Variants in FSTL4 observed in about 807,000 individuals in gnomAD.
FSTL4 encodes follistatin like 4.
Under a neutral mutation model 78.2 loss-of-function variants are expected in FSTL4, and 28 were observed. That is an observed-to-expected ratio of 0.36 (90% CI 0.27 to 0.49). The LOEUF (loss-of-function observed/expected upper bound fraction) is 0.49. Ranked by LOEUF, FSTL4 falls within the 20% of genes least tolerant of loss-of-function variation. The pLI is 0.98. For missense variants in FSTL4, 922 were observed against 1,084.9 expected, an observed-to-expected ratio of 0.85 and a Z score of 2.11; for synonymous variants, 422 against 440.5, an observed-to-expected ratio of 0.96 and a Z score of 0.53.
chr5:133,623,006 G>T, the FSTL4 span, among the ~76,000 whole-genome samples: 1 of 151,866 alleles, frequency 6.6e-6, no homozygotes, highest in African/African-American at 2.4e-5. Context: ...TTAAATAAAA[G>T]TTTAGTAGTT....
intron 4 of FSTL4, among the ~76,000 whole-genome samples, chr5:133,399,488 G>A (rs1408434327): frequency 6.6e-6 from 1 of 152,232 alleles, no homozygotes; most frequent in African/African-American, 2.4e-5. Flanking sequence ...GCTGAGTGGA[G>A]TGGCCCATTA....
intron 3 of FSTL4, among the ~76,000 whole-genome samples, chr5:133,558,887 T>A (rs1382991806): frequency 6.6e-6 from 1 of 152,054 alleles, no homozygotes. Flanking sequence ...GTGAGGCCAA[T>A]CAGGAGAGAG....
the FSTL4 span, among the ~76,000 whole-genome samples, chr5:133,789,973 G>T: frequency 6.6e-6 from 1 of 152,032 alleles, no homozygotes; most frequent in Non-Finnish European, 1.5e-5. Flanking sequence ...ACCCCATAAC[G>T]CTGGGTCTGC....
At chr5:133,788,659 T>C in the FSTL4 span, among the ~76,000 whole-genome samples, 1 of 152,250 alleles carries the variant, frequency 6.6e-6, no homozygotes, top group Non-Finnish European at 1.5e-5. Context: ...CGTCAATCTC[T>C]GGGCACCCAG....
At chr5:133,318,062 G>A (rs1216364795) in intron 4 of FSTL4, among the ~76,000 whole-genome samples, 1 of 152,074 alleles carries the variant, frequency 6.6e-6, no homozygotes, top group Non-Finnish European at 1.5e-5. Context: ...CTTCCAATTT[G>A]GGGTCAATTG....
chr5:133,769,654 G>A, the FSTL4 span, among the ~76,000 whole-genome samples: 2 of 152,198 alleles, frequency 1.3e-5, no homozygotes, highest in Middle Eastern at 3.4e-3. Context: ...ACCTTCATAA[G>A]TAAGTATTTC....
At chr5:133,522,602 C>G (rs945359283) in intron 3 of FSTL4, among the ~76,000 whole-genome samples, 1 of 152,190 alleles carries the variant, frequency 6.6e-6, no homozygotes, top group Non-Finnish European at 1.5e-5. Flanking sequence ...GCAGACTAAA[C>G]AATTTTCAGT....
chr5:133,413,220 G>A (rs936273157), intron 3 of FSTL4, among the ~76,000 whole-genome samples: 1 of 152,046 alleles, frequency 6.6e-6, no homozygotes, highest in Non-Finnish European at 1.5e-5. Context: ...TGTATATTGT[G>A]AGTCTGTCTT....
At chr5:133,375,009 G>A (rs1729814477) in intron 4 of FSTL4, among the ~76,000 whole-genome samples, 1 of 152,012 alleles carries the variant, frequency 6.6e-6, no homozygotes, top group South Asian at 2.1e-4. Context: ...CAAAACTTTA[G>A]AGTTGGATGG....
chr5:133,689,406 C>G, the FSTL4 span, among the ~76,000 whole-genome samples: 1 of 152,210 alleles, frequency 6.6e-6, no homozygotes, highest in African/African-American at 2.4e-5. Context: ...ATCTACAGTG[C>G]CAAGCAGCTA....
At chr5:133,616,351 A>ATCTATCTG (rs1761200230), upstream of FSTL4, among the ~76,000 whole-genome samples, 1 of 151,312 alleles carries the variant, frequency 6.6e-6, no homozygotes, top group East Asian at 1.9e-4. Flanking sequence ...CTATCTATCT[A>ATCTATCTG]TCTAATTTTA....
chr5:133,347,722 G>A (rs183073754), intron 4 of FSTL4, among the ~76,000 whole-genome samples: 137 of 152,246 alleles, frequency 9.0e-4, no homozygotes, highest in Non-Finnish European at 1.4e-3. Context: ...GTCCTCAAGA[G>A]GACCTTGAAT....
At chr5:133,763,343 A>G in the FSTL4 span, among the ~76,000 whole-genome samples, 4 of 152,016 alleles carry the variant, frequency 2.6e-5, no homozygotes, top group Admixed American at 2.0e-4. Context: ...TAATTAAGTG[A>G]CTCTAACAAC....
the FSTL4 span, among the ~76,000 whole-genome samples, chr5:133,701,186 T>C: frequency 6.6e-6 from 1 of 151,792 alleles, no homozygotes; most frequent in Non-Finnish European, 1.5e-5. Flanking sequence ...GCAGATCACT[T>C]GAGGTCAGGA....
Position 133,316,649 on chromosome 5 carries a change from T to C in FSTL4, c.413A>G (p.Asp138Gly). The C allele has an allele frequency of 6.2e-7, 1 of 1,605,782 alleles. No homozygotes were observed. The highest frequency in any genetic ancestry group is 8.5e-7 in the Non-Finnish European group (1 of 1,173,952). ...IHSKDCFLKG[D>G]TCTMAGYARL... ...GGCGTAGCCGGCCATGGTGCACGTG[T>C]CACCTGAAAGAGAAGGTGAGGTTAT... Residue 138 changes from aspartate to glycine, a missense_variant, in exon 5 of 16, where the codon GAC (aspartate) becomes GGC (glycine). Coordinates refer to ENST00000265342, the MANE Select transcript of FSTL4 (RefSeq NM_015082.2).
chr5:133,523,499 G>C (rs1759027842), intron 3 of FSTL4, among the ~76,000 whole-genome samples: 1 of 152,244 alleles, frequency 6.6e-6, no homozygotes, highest in Non-Finnish European at 1.5e-5. Flanking sequence ...TTCTTCTTTA[G>C]AGAAAGGGCA....
chr5:133,227,015 C>G (rs553129588), intron 8 of FSTL4, among the ~76,000 whole-genome samples: 17 of 152,298 alleles, frequency 1.1e-4, no homozygotes, highest in African/African-American at 4.1e-4. Flanking sequence ...GCTCATAATT[C>G]CATCAACTCA....
chr5:133,506,020 C>T (rs1034130825), intron 3 of FSTL4, among the ~76,000 whole-genome samples: 3 of 152,210 alleles, frequency 2.0e-5, no homozygotes, highest in African/African-American at 7.2e-5. Flanking sequence ...CCTGCCAATG[C>T]TGGCAAGGTG....
At chr5:133,834,054 C>A in the FSTL4 span, among the ~76,000 whole-genome samples, 2 of 152,136 alleles carry the variant, frequency 1.3e-5, no homozygotes, top group Non-Finnish European at 2.9e-5. Context: ...CAATGAAAGT[C>A]TGAGAAATAT....
Sources: gnomAD v4.1 joint callset for allele counts (sites outside exome capture counted in the v4.1 genomes callset) on GRCh38, gnomAD v4.1.1 for gene constraint, MANE v1.5 for transcripts, NCBI Gene and HGNC (gene_info 2026-07-23, HGNC 2026-07-21) for gene names.